Variants in SLC43A2 observed in about 807,000 individuals in gnomAD.
SLC43A2 encodes large neutral amino acids transporter small subunit 4.
In SLC43A2, 38 loss-of-function variants were observed where a neutral mutation model predicts 63.2. The ratio of observed to expected loss-of-function variants is 0.60; its 90% CI spans 0.46 to 0.79. SLC43A2 has a LOEUF of 0.79. SLC43A2 is among the 30% of genes least tolerant of loss of function. The pLI, the probability that SLC43A2 is intolerant of heterozygous loss-of-function variation, is 0.00. For synonymous variants in SLC43A2, 322 were observed against 331.0 expected, an observed-to-expected ratio of 0.97 and a Z score of 0.30; for missense variants, 644 against 756.2, an observed-to-expected ratio of 0.85 and a Z score of 1.74.
In SLC43A2 at chr17:1,617,114, G is replaced by A. The variant is rs144345199; in HGVS notation, c.161-345C>T. ...CCCAGGCTGAGAGTCCCATTCGAGA[G>A]CATCCGCCACCCTAGAACGGCAGAC... On this transcript the variant is annotated intron_variant, in intron 2 of 13. Transcript: ENST00000301335. Among the ~76,000 whole-genome samples the A allele has an allele frequency of 4.9e-3, 749 of 152,340 alleles. 3 individuals are homozygous for A. Among genetic ancestry groups the A allele is most frequent in the Middle Eastern group, 6.8e-3 (2 of 294 alleles).
Position 1,616,569 on chromosome 17 carries a change from G to C in SLC43A2, c.361C>G (p.Leu121Val), listed in dbSNP as rs758297390. ...TAAGGGACCCACACTGACCTGCCCA[G>C]CAGCCTGAGCTTCCTCGGGCCATAC... ...DKYGPRKLRL[L>V]GSACFAVSCL... Residue 121 changes from leucine to valine, a missense_variant, in exon 3 of 14, where the codon CTG becomes GTG. By Grantham distance (32) the Leu-to-Val change is conservative. Transcript: ENST00000301335. 1 of 1,610,894 alleles carries C rather than the reference G, an allele frequency of 6.2e-7. No homozygotes were observed. Among genetic ancestry groups the C allele is most frequent in the South Asian group, 1.1e-5 (1 of 90,540 alleles).
At chr17:1,612,050 C>T (rs1197692145) in intron 5 of SLC43A2, among the ~76,000 whole-genome samples, 2 of 152,130 alleles carry the variant, frequency 1.3e-5, no homozygotes, top group Admixed American at 6.5e-5. Flanking sequence ...CGGCAACCTC[C>T]GCCTCCCAGG....
intron 5 of SLC43A2, among the ~76,000 whole-genome samples, chr17:1,611,642 G>T (rs1455769895): frequency 1.4e-5 from 2 of 144,080 alleles, no homozygotes; most frequent in Non-Finnish European, 3.0e-5. Context: ...AAAAAAAAAA[G>T]AAAAAGGAAA....
chr17:1,580,728 ATTTT>A (rs11321695), intron 11 of SLC43A2, among the ~76,000 whole-genome samples: 4 of 126,418 alleles, frequency 3.2e-5, no homozygotes, highest in Admixed American at 8.0e-5. Flanking sequence ...GGCCCGGCTA[ATTTT>A]TTTTTTTTTT....
chr17:1,584,536 G>C (rs1452702626), intron 10 of SLC43A2, among the ~76,000 whole-genome samples: 1 of 152,156 alleles, frequency 6.6e-6, no homozygotes, highest in Admixed American at 6.5e-5. Context: ...GCGTTTGGCT[G>C]GGCGTGGTGG....
intron 2 of SLC43A2, among the ~76,000 whole-genome samples, chr17:1,624,789 C>T (rs552479002): frequency 1.5e-4 from 22 of 150,894 alleles, no homozygotes; most frequent in Non-Finnish European, 2.7e-4. Context: ...TACTGCTACT[C>T]GGGAGGCTGA....
At chr17:1,588,870 G>C (rs368877842) in intron 9 of SLC43A2, among the ~76,000 whole-genome samples, 12 of 152,202 alleles carry the variant, frequency 7.9e-5, no homozygotes, top group Admixed American at 6.5e-4. Context: ...ACCAGCACCC[G>C]GGAGCCTCTG....
chr17:1,597,103 C>G (rs542057946), intron 5 of SLC43A2, among the ~76,000 whole-genome samples: 1 of 152,284 alleles, frequency 6.6e-6, no homozygotes, highest in South Asian at 2.1e-4. Context: ...GTAATCCCAG[C>G]TACTCGGGAG....
At chr17:1,582,041 G>C (rs1027479551) in intron 11 of SLC43A2, among the ~76,000 whole-genome samples, 1 of 150,042 alleles carries the variant, frequency 6.7e-6, no homozygotes, top group Non-Finnish European at 1.5e-5. Context: ...TCCTGACCTC[G>C]TGATCCACCT....
chr17:1,620,146 C>G (rs1011952653), intron 2 of SLC43A2, among the ~76,000 whole-genome samples: 2 of 152,212 alleles, frequency 1.3e-5, no homozygotes, highest in African/African-American at 4.8e-5. Context: ...AGGCGGACCA[C>G]TTGAGGTCAG....
At position 1,569,921 on chromosome 17, in the gene SLC43A2, T is replaced by A. The variant is rs2075821372; in HGVS notation, c.*5683A>T. The stretch of plus-strand genomic sequence containing the variant: ...TTTTTTTTTTGAGACGGAGTCTTGC[T>A]CTGTCGCCCAGGCTGGAGTGCAGTG... On this transcript the variant is annotated 3_prime_UTR_variant, in exon 14 of 14. Transcript: ENST00000301335. The A allele has an allele frequency of 7.2e-6, 1 of 139,274 alleles. No individual in the cohort carries two copies. Among genetic ancestry groups the A allele is most frequent in the Non-Finnish European group, 1.5e-5 (1 of 65,706 alleles). 8.6% of individuals were successfully genotyped at this position (139,274 alleles called of 1,614,324 possible).
At chr17:1,621,138 G>A (rs773145069) in intron 2 of SLC43A2, among the ~76,000 whole-genome samples, 9 of 152,146 alleles carry the variant, frequency 5.9e-5, no homozygotes, top group Admixed American at 2.6e-4. Flanking sequence ...GACGTACACC[G>A]TTCAGCCCCA....
In SLC43A2 at chr17:1,590,856, T is replaced by C. The variant is rs1273921533; in HGVS notation, c.1024A>G (p.Met342Val). The C allele has an allele frequency of 5.1e-6, 8 of 1,555,436 alleles. No homozygotes were observed. Among genetic ancestry groups the C allele is most frequent in the Non-Finnish European group, 7.0e-6 (8 of 1,148,750 alleles). Residue 342 changes from methionine (M) to valine (V), a missense_variant, in exon 9 of 14, where the codon ATG becomes GTG. By Grantham distance (21) the Met-to-Val change is conservative. This residue lies in a region of SLC43A2 where 528 missense variants were observed against 623.6 expected (regional missense o/e 0.85). Transcript: ENST00000301335. ...TTGAGGATGTTGTTCATAGCCCCCA[T>C]GTAGAAGATGAGCCGCAGCTGCGTG... ...CVTQLRLIFY[M>V]GAMNNILKFL...
At chr17:1,615,471 G>A (rs548852593) in intron 3 of SLC43A2, among the ~76,000 whole-genome samples, 19 of 151,610 alleles carry the variant, frequency 1.3e-4, no homozygotes, top group African/African-American at 3.4e-4. Context: ...ATAGGGGGCC[G>A]GGAGCCACTG....
At position 1,583,084 on chromosome 17, in the gene SLC43A2, A is replaced by G; in HGVS notation, c.1350+120T>C. On this transcript the variant is annotated intron_variant, in intron 11 of 13. Transcript: ENST00000301335. This position sits in a 1 kb window ranked among gnomAD's most constrained non-coding sequence, Gnocchi z 5.5. ...ACAGAGTTTGACTCTGTCTCAAAAAAATAAAGAAAGTCATCCGCTTTGTTG... is the reference window on the plus strand; with the variant it reads ...ACAGAGTTTGACTCTGTCTCAAAAAGATAAAGAAAGTCATCCGCTTTGTTG... 1.7e-6 allele frequency: 2 copies of G among 1,172,316 alleles called. No individual in the cohort carries two copies. Among genetic ancestry groups the G allele is most frequent in the Non-Finnish European group, 2.4e-6 (2 of 824,854 alleles). 72.6% of individuals were successfully genotyped at this position (1,172,316 alleles called of 1,614,324 possible).
At chr17:1,594,820 C>T (rs545045025) in intron 5 of SLC43A2, among the ~76,000 whole-genome samples, 11 of 151,630 alleles carry the variant, frequency 7.3e-5, no homozygotes, top group Admixed American at 2.6e-4. Flanking sequence ...GATCTCCTGA[C>T]CTCGTGATCC....
rs2076053803 is a variant in SLC43A2 at position 1,583,565 on chromosome 17, A to C, written c.1218-229T>G. ...CTCGGAGGGGGTCTCGGGTACAAGA[A>C]GATGGCCATCCATATGCTGCAGTGC... On this transcript the variant is annotated intron_variant, in intron 10 of 13. Transcript: ENST00000301335. The surrounding 1 kb of genome is among the most constrained non-coding windows in gnomAD (Gnocchi z 5.5). 1.6e-6 allele frequency: 1 copy of C among 611,082 alleles called. No individual in the cohort carries two copies. The highest frequency in any genetic ancestry group is 2.2e-5 in the South Asian group (1 of 44,478). The allele number at this position is 611,082 out of a possible 1,614,324, so 37.9% of individuals were successfully genotyped here.
chr17:1,605,140 C>T lies in SLC43A2; in HGVS notation c.501+8055G>A. On this transcript the variant is annotated intron_variant, in intron 5 of 13. Coordinates refer to ENST00000301335, the MANE Select transcript of SLC43A2 (RefSeq NM_152346.3). The surrounding 1 kb of genome is among the most constrained non-coding windows in gnomAD (Gnocchi z 4.9). ...GGTGCTTCCCACAGCCCCCTCGCCG[C>T]CTCTGCCTCCGTGCGGGTCAACCTG... 1 of 1,275,236 alleles carries T rather than the reference C, an allele frequency of 7.8e-7. No individual in the cohort carries two copies. The allele number at this position is 1,275,236 out of a possible 1,614,324, so 79.0% of individuals were successfully genotyped here. A position where few individuals can be genotyped will look rare whatever the true frequency, so the allele number is the denominator to read the frequency against.
At chr17:1,627,667 AAAG>A in intron 2 of SLC43A2, 45 bp downstream of exon 2, 26 of 393,350 alleles carry the variant, frequency 6.6e-5, no homozygotes, top group East Asian at 1.0e-4. Flanking sequence ...GCCCCCTCCC[AAAG>A]CCCCAGCTCC....
Sources: gnomAD v4.1 joint callset for allele counts (sites outside exome capture counted in the v4.1 genomes callset) on GRCh38, gnomAD v4.1.1 for gene constraint, gnomAD v4.1.1 regional missense constraint, Gnocchi (gnomAD v3.1) non-coding constraint, MANE v1.5 for transcripts, NCBI Gene and HGNC (gene_info 2026-07-23, HGNC 2026-07-21) for gene names.